The following ACADM variants were observed in gnomAD, a reference collection of about 807,000 sequenced individuals.
ACADM encodes acyl-CoA dehydrogenase medium chain.
ACADM carries 49 observed loss-of-function variants against 58.9 expected under a neutral mutation model. That is an observed-to-expected ratio of 0.83 (90% CI 0.66 to 1.06). The LOEUF is 1.06. Ranked by LOEUF, ACADM falls within the 50% of genes least tolerant of loss-of-function variation. The pLI is 0.00. For synonymous variants in ACADM, 160 were observed against 157.7 expected (o/e 1.01, Z -0.11); for missense variants, 496 against 507.0 (o/e 0.98, Z 0.21).
At chr1:75,726,488 G>A (rs927934376) in intron 1 of ACADM, among the ~76,000 whole-genome samples, 4 of 152,084 alleles carry the variant, frequency 2.6e-5, no homozygotes, top group African/African-American at 4.8e-5. Context: ...TTTGTGGAAT[G>A]TTTTCCTTTG....
At chr1:75,751,193 A>G (rs1171265505) in intron 10 of ACADM, among the ~76,000 whole-genome samples, 1 of 151,270 alleles carries the variant, frequency 6.6e-6, no homozygotes, top group Non-Finnish European at 1.5e-5. Flanking sequence ...TACAAAAATT[A>G]GCCGAGCATG....
intron 7 of ACADM, chr1:75,743,707 T>C (rs1647716835): frequency 6.7e-7 from 1 of 1,496,954 alleles, no homozygotes; most frequent in Admixed American, 1.7e-5. Flanking sequence ...GGCAAATTCA[T>C]TCTTTCGGGC....
chr1:75,729,839 A>C (rs1647119461), intron 2 of ACADM, among the ~76,000 whole-genome samples: 1 of 150,452 alleles, frequency 6.6e-6, no homozygotes, highest in African/African-American at 2.4e-5. Flanking sequence ...CCAAAGACTA[A>C]ATGAAAGTTT....
At chr1:75,725,711 T>C (rs1570845845) in intron 1 of ACADM, among the ~76,000 whole-genome samples, 1 of 152,258 alleles carries the variant, frequency 6.6e-6, no homozygotes. Context: ...TGTTTCGATA[T>C]TTGGAATTTC....
chr1:75,724,761 G>T lies in ACADM; in HGVS notation c.-27G>T. 2.0e-6 allele frequency: 3 copies of T among 1,533,986 alleles called. No individual in the cohort carries two copies. The highest frequency in any genetic ancestry group is 2.6e-6 in the Non-Finnish European group (3 of 1,138,874). On this transcript the variant is annotated 5_prime_UTR_variant, in exon 1 of 12. Coordinates refer to ENST00000370841, the MANE Select transcript of ACADM (RefSeq NM_000016.6). ...TCAAGGCCGTGACCCGTGTATTATTGTCCGAGTGGCCGGAACGGGAGCCAA... is the reference window on the plus strand; with the variant it reads ...TCAAGGCCGTGACCCGTGTATTATTTTCCGAGTGGCCGGAACGGGAGCCAA...
At chr1:75,747,818 T>C (rs1297358258) in intron 8 of ACADM, among the ~76,000 whole-genome samples, 1 of 152,200 alleles carries the variant, frequency 6.6e-6, no homozygotes, top group African/African-American at 2.4e-5. Context: ...TTAGAAATTA[T>C]ATGGTTTGAG....
chr1:75,744,618 A>G, intron 7 of ACADM: 1 of 1,106,720 alleles, frequency 9.0e-7, no homozygotes, highest in South Asian at 1.2e-5. Flanking sequence ...CACTGAAGAC[A>G]CTGTTGTTAA....
intron 5 of ACADM, 147 bp from the exon 6 acceptor site, chr1:75,734,644 C>A: frequency 1.6e-6 from 1 of 636,414 alleles, no homozygotes; most frequent in East Asian, 2.8e-5. Context: ...TTTCCTCATT[C>A]TAACTTAGAG....
chr1:75,751,615 C>T (rs1422492989), intron 10 of ACADM, among the ~76,000 whole-genome samples: 1 of 151,880 alleles, frequency 6.6e-6, no homozygotes, highest in Non-Finnish European at 1.5e-5. Context: ...TCTCCTGCCT[C>T]AGCCTCCCGA....
At chr1:75,745,767 C>A (rs1322846273) in intron 7 of ACADM, 39 bp from the exon 8 acceptor site, 3 of 1,403,828 alleles carry the variant, frequency 2.1e-6, no homozygotes, top group African/African-American at 1.4e-5. Flanking sequence ...GTGTTATTTG[C>A]CGATATTATC....
chr1:75,734,418 G>A (rs1004499144), intron 5 of ACADM, among the ~76,000 whole-genome samples: 28 of 148,958 alleles, frequency 1.9e-4, no homozygotes, highest in South Asian at 8.4e-4. Flanking sequence ...CTCGTAATCC[G>A]CCCACCTCGG....
intron 10 of ACADM, among the ~76,000 whole-genome samples, chr1:75,755,359 A>C (rs1414797677): frequency 1.3e-5 from 2 of 152,194 alleles, no homozygotes; most frequent in African/African-American, 4.8e-5. Context: ...GAGACCTCCC[A>C]GTAGGGGCCG....
At position 75,739,980 on chromosome 1, in the gene ACADM, G is replaced by T; in HGVS notation, c.469G>T (p.Ala157Ser). The change falls in exon 7 of 12, where the codon GCT (alanine) becomes TCT (serine). Residue 157 changes from alanine (A) to serine (S), a missense_variant and splice_region_variant. Coordinates refer to ENST00000370841, the MANE Select transcript of ACADM (RefSeq NM_000016.6). ...GRMTEEPLMC[A>S]YCVTEPGAGS... ...TTTCTCTTGTTTTTATATATTCAAG[G>T]CTTATTGTGTAACAGAACCTGGAGC... 1 of 1,608,794 alleles carries T rather than the reference G, an allele frequency of 6.2e-7. No homozygotes were observed. Among genetic ancestry groups the T allele is most frequent in the South Asian group, 1.1e-5 (1 of 90,258 alleles).
chr1:75,744,150 G>T, intron 7 of ACADM: 1 of 1,576,222 alleles, frequency 6.3e-7, no homozygotes, highest in East Asian at 2.2e-5. Flanking sequence ...GGCTCAGCTA[G>T]TGGTGGGACA....
chr1:75,737,582 A>C (rs750328412), intron 6 of ACADM, among the ~76,000 whole-genome samples: 3 of 152,014 alleles, frequency 2.0e-5, no homozygotes, highest in Non-Finnish European at 4.4e-5. Context: ...GAATACATCA[A>C]ATCTCCAGGT....
intron 8 of ACADM, 149 bp downstream of exon 8, chr1:75,746,063 T>A: frequency 1.5e-6 from 1 of 653,358 alleles, no homozygotes; most frequent in Non-Finnish European, 2.6e-6. Context: ...TCAAATAGTC[T>A]ATATACTACT....
At chr1:75,749,940 T>C (rs1648112392) in intron 9 of ACADM, among the ~76,000 whole-genome samples, 1 of 152,060 alleles carries the variant, frequency 6.6e-6, no homozygotes, top group Non-Finnish European at 1.5e-5. Context: ...CTCGATCTCT[T>C]GACCTCGTGA....
chr1:75,753,547 A>T (rs1353771021), intron 10 of ACADM, among the ~76,000 whole-genome samples: 1 of 151,922 alleles, frequency 6.6e-6, no homozygotes, highest in Non-Finnish European at 1.5e-5. Flanking sequence ...TTCAGTGAAG[A>T]TCTGTCATCG....
chr1:75,742,205 C>G (rs1163574408), intron 7 of ACADM, among the ~76,000 whole-genome samples: 1 of 144,288 alleles, frequency 6.9e-6, no homozygotes, highest in African/African-American at 2.5e-5. Flanking sequence ...AAGGCACTCT[C>G]TACTGGCCCT....
Sources: gnomAD v4.1 joint callset for allele counts (sites outside exome capture counted in the v4.1 genomes callset) on GRCh38, gnomAD v4.1.1 for gene constraint, MANE v1.5 for transcripts, NCBI Gene and HGNC (gene_info 2026-07-23, HGNC 2026-07-21) for gene names.